Variants in CDH18 observed in about 807,000 individuals in gnomAD.
CDH18 encodes the protein cadherin-18.
A neutral mutation model predicts 67.9 loss-of-function variants in CDH18; 31 were observed. The ratio of observed to expected loss-of-function variants is 0.46; its 90% CI spans 0.34 to 0.62. CDH18 has a LOEUF of 0.62. CDH18 is among the 20% of genes least tolerant of loss of function. CDH18 has a pLI of 0.01. For missense variants in CDH18, 890 were observed against 975.5 expected (o/e 0.91, Z 1.17); for synonymous variants, 362 against 347.2 (o/e 1.04, Z -0.48).
chr5:20,357,777 C>A (rs923839416), intron 1 of CDH18, among the ~76,000 whole-genome samples: 1 of 152,084 alleles, frequency 6.6e-6, no homozygotes, highest in East Asian at 1.9e-4. Context: ...AAAGTTGAAC[C>A]AGCAATCCCA....
At chr5:20,419,420 T>C (rs1747640728) in intron 1 of CDH18, among the ~76,000 whole-genome samples, 1 of 149,062 alleles carries the variant, frequency 6.7e-6, no homozygotes, top group Non-Finnish European at 1.5e-5. Flanking sequence ...GAGAAATAAA[T>C]TTCCGTTGTT....
intron 7 of CDH18, among the ~76,000 whole-genome samples, chr5:19,580,158 T>A (rs1743003712): frequency 6.6e-6 from 1 of 151,880 alleles, no homozygotes; most frequent in Non-Finnish European, 1.5e-5. Flanking sequence ...AGTTTTTTGG[T>A]TATAATTTCC....
At chr5:19,499,407 T>TAC (rs1316540065) in intron 11 of CDH18, among the ~76,000 whole-genome samples, 2 of 152,084 alleles carry the variant, frequency 1.3e-5, no homozygotes, top group African/African-American at 2.4e-5. Context: ...GTGCTATATA[T>TAC]ACATATGTGT....
intron 1 of CDH18, among the ~76,000 whole-genome samples, chr5:20,514,223 T>A (rs1410152201): frequency 6.6e-6 from 1 of 152,172 alleles, no homozygotes; most frequent in Non-Finnish European, 1.5e-5. Flanking sequence ...ATTTCCAAAA[T>A]GTTTGACCAA....
chr5:19,722,770 T>C (rs1245770665), intron 4 of CDH18, among the ~76,000 whole-genome samples: 1 of 152,072 alleles, frequency 6.6e-6, no homozygotes, highest in African/African-American at 2.4e-5. Context: ...TTCTACCTAC[T>C]AATTTGGGTT....
intron 2 of CDH18, among the ~76,000 whole-genome samples, chr5:20,070,305 G>T (rs1372009255): frequency 6.6e-6 from 1 of 152,094 alleles, no homozygotes; most frequent in African/African-American, 2.4e-5. Flanking sequence ...TATTGGAAGA[G>T]GTCTTGGTTG....
chr5:20,081,519 T>C, intron 2 of CDH18, among the ~76,000 whole-genome samples: 1 of 152,172 alleles, frequency 6.6e-6, no homozygotes, highest in Admixed American at 6.6e-5. Context: ...ATAGCATTAT[T>C]CACAATAGCA....
In CDH18 at chr5:20,162,607, T is replaced by C. The variant is rs1187961983; in HGVS notation, c.-518+92837A>G. Among the ~76,000 whole-genome samples, 5 of 150,830 alleles carry C rather than the reference T, an allele frequency of 3.3e-5. No homozygotes were observed. In the East Asian group the frequency reaches 7.8e-4, roughly 23 times the overall value. ...AGGCCTTTGGTACCATGGAGGTTGA[T>C]TGCTAAAGGGAAGCATTCCTACAAA... On this transcript the variant is annotated intron_variant, in intron 2 of 14. Transcript: ENST00000507958.
chr5:20,335,789 T>C (rs1328439975), intron 1 of CDH18, among the ~76,000 whole-genome samples: 1 of 152,186 alleles, frequency 6.6e-6, no homozygotes, highest in Non-Finnish European at 1.5e-5. Flanking sequence ...AGTTAAAGCA[T>C]GCACCAGGCA....
intron 11 of CDH18, among the ~76,000 whole-genome samples, chr5:19,489,319 C>G (rs537915768): frequency 2.7e-5 from 4 of 146,348 alleles, no homozygotes; most frequent in Admixed American, 7.0e-5. Context: ...GCAATCTTGG[C>G]TCACTGCAAC....
intron 5 of CDH18, among the ~76,000 whole-genome samples, chr5:19,675,498 G>C (rs552820356): frequency 1.3e-5 from 2 of 152,186 alleles, no homozygotes; most frequent in South Asian, 4.1e-4. Flanking sequence ...GTTCCTTGCT[G>C]AGAAAAAGAA....
At chr5:19,546,976 C>G (rs1284021823) in intron 8 of CDH18, among the ~76,000 whole-genome samples, 2 of 152,210 alleles carry the variant, frequency 1.3e-5, no homozygotes. Flanking sequence ...AGGTACAACT[C>G]TAAAGTAAAT....
At chr5:19,541,599 C>G (rs1430913465) in intron 9 of CDH18, among the ~76,000 whole-genome samples, 2 of 152,052 alleles carry the variant, frequency 1.3e-5, no homozygotes, top group African/African-American at 2.4e-5. Context: ...TGAAAGAAGG[C>G]AAAGGAAAAG....
chr5:20,089,066 G>C (rs1471969902), intron 2 of CDH18, among the ~76,000 whole-genome samples: 1 of 152,048 alleles, frequency 6.6e-6, no homozygotes, highest in Non-Finnish European at 1.5e-5. Context: ...AGATAGACTA[G>C]TGAATATTTT....
intron 1 of CDH18, among the ~76,000 whole-genome samples, chr5:20,428,187 C>T (rs1250927837): frequency 6.6e-6 from 1 of 150,844 alleles, no homozygotes; most frequent in Admixed American, 6.6e-5. Context: ...TGAGTGAGAA[C>T]ATGTGCTGTT....
intron 1 of CDH18, among the ~76,000 whole-genome samples, chr5:20,501,568 T>TTATATATATATATTA (rs1754297752): frequency 2.3e-4 from 2 of 8,846 alleles, no homozygotes; most frequent in Non-Finnish European, 5.3e-4. Context: ...TATATATATA[T>TTATATATATATATTA]AATATATATA....
At chr5:19,804,774 C>T (rs1253124449) in intron 3 of CDH18, among the ~76,000 whole-genome samples, 3 of 152,072 alleles carry the variant, frequency 2.0e-5, no homozygotes, top group Admixed American at 6.6e-5. Flanking sequence ...AAGATACATA[C>T]GTCTATTACA....
At chr5:19,677,816 A>G (rs1759709781) in intron 5 of CDH18, among the ~76,000 whole-genome samples, 1 of 152,084 alleles carries the variant, frequency 6.6e-6, no homozygotes, top group South Asian at 2.1e-4. Flanking sequence ...AAGATATTTG[A>G]TAACTAATTT....
At chr5:19,673,271 T>C (rs1758999608) in intron 5 of CDH18, among the ~76,000 whole-genome samples, 2 of 152,046 alleles carry the variant, frequency 1.3e-5, no homozygotes, top group East Asian at 3.9e-4. Context: ...TAAGAGTTTA[T>C]AGGTTTAGAA....
Sources: allele counts gnomAD v4.1 joint callset (sites outside exome capture counted in the v4.1 genomes callset), GRCh38; gene constraint gnomAD v4.1.1; transcripts MANE v1.5; gene names NCBI Gene and HGNC (gene_info 2026-07-23, HGNC 2026-07-21).